NRXN3: variants seen among roughly 807,000 people sequenced by gnomAD.
NRXN3 encodes neurexin 3.
In NRXN3, 32 loss-of-function variants were observed where a neutral mutation model predicts 137.6. The ratio of observed to expected loss-of-function variants is 0.23; its 90% CI spans 0.18 to 0.31. The LOEUF is 0.31. Among genes scored for constraint, NRXN3 ranks in the 10% least tolerant of loss-of-function variants. The pLI is 1.00. For missense variants in NRXN3, 1,574 were observed against 2,062.5 expected (o/e 0.76, Z 4.59); for synonymous variants, 798 against 784.5 (o/e 1.02, Z -0.29).
chr14:78,621,145 A>G (rs2152500439), intron 4 of NRXN3, among the ~76,000 whole-genome samples: 1 of 152,288 alleles, frequency 6.6e-6, no homozygotes, highest in East Asian at 1.9e-4. Context: ...CAAGATCTAG[A>G]GCATTGAGGG....
intron 16 of NRXN3, among the ~76,000 whole-genome samples, chr14:79,525,908 G>A (rs2097114198): frequency 6.6e-6 from 1 of 152,092 alleles, no homozygotes; most frequent in Non-Finnish European, 1.5e-5. Context: ...TAGGGACAGG[G>A]TCTCACTCTG....
At chr14:79,067,394 A>G (rs1213482378) in intron 15 of NRXN3, among the ~76,000 whole-genome samples, 1 of 152,090 alleles carries the variant, frequency 6.6e-6, no homozygotes, top group Non-Finnish European at 1.5e-5. Context: ...TTTTTGCATC[A>G]ATATTTATCA....
intron 1 of NRXN3, among the ~76,000 whole-genome samples, chr14:78,179,841 T>TTTTTTTTTTTTTTTCTTTTTTTTTC (rs2059646604): frequency 7.3e-6 from 1 of 137,562 alleles, no homozygotes; most frequent in Non-Finnish European, 1.6e-5. Context: ...TCTGTTTTTT[T>TTTTTTTTTTTTTTTCTTTTTTTTTC]GTTTTTTTTT....
At chr14:78,504,304 ACT>A (rs2095939252) in intron 4 of NRXN3, among the ~76,000 whole-genome samples, 1 of 152,156 alleles carries the variant, frequency 6.6e-6, no homozygotes, top group Non-Finnish European at 1.5e-5. Context: ...ACAACTGCAG[ACT>A]CTGACAAAAT....
chr14:79,274,474 C>G (rs1425960270), intron 15 of NRXN3, among the ~76,000 whole-genome samples: 1 of 152,068 alleles, frequency 6.6e-6, no homozygotes, highest in Non-Finnish European at 1.5e-5. Flanking sequence ...TTCCATGGTG[C>G]TGAGGATACG....
intron 4 of NRXN3, among the ~76,000 whole-genome samples, chr14:78,456,848 T>TCTTG (rs1555540168): frequency 1.4e-4 from 19 of 133,828 alleles, no homozygotes; most frequent in African/African-American, 4.3e-4. Context: ...TTTCTTTCTT[T>TCTTG]CTTTCTTTTT....
chr14:78,868,420 G>A (rs913469275), intron 10 of NRXN3, among the ~76,000 whole-genome samples: 1 of 152,050 alleles, frequency 6.6e-6, no homozygotes, highest in East Asian at 1.9e-4. Flanking sequence ...ATGATTACAG[G>A]TGACTAGTCA....
chr14:79,468,492 C>T (rs1306544642), intron 16 of NRXN3, among the ~76,000 whole-genome samples: 2 of 152,170 alleles, frequency 1.3e-5, no homozygotes, highest in Non-Finnish European at 2.9e-5. Flanking sequence ...GAAAAAAGAT[C>T]AACTGGGGAT....
intron 8 of NRXN3, among the ~76,000 whole-genome samples, chr14:78,719,019 T>C (rs1313429989): frequency 2.6e-5 from 4 of 152,228 alleles, no homozygotes; most frequent in Non-Finnish European, 4.4e-5. Context: ...GACAACATCT[T>C]ATCTTTGCTG....
At chr14:79,075,372 C>T (rs780725139) in intron 15 of NRXN3, among the ~76,000 whole-genome samples, 3 of 152,120 alleles carry the variant, frequency 2.0e-5, no homozygotes, top group African/African-American at 4.8e-5. Flanking sequence ...TTTGGTCTCC[C>T]AGTTAGATTG....
chr14:79,627,703 T>C (rs2098297730), intron 16 of NRXN3, among the ~76,000 whole-genome samples: 1 of 152,222 alleles, frequency 6.6e-6, no homozygotes, highest in South Asian at 2.1e-4. Context: ...GGTATGGTTA[T>C]TAACCCCATG....
At chr14:78,521,576 C>G (rs1460782433) in intron 4 of NRXN3, among the ~76,000 whole-genome samples, 1 of 152,058 alleles carries the variant, frequency 6.6e-6, no homozygotes, top group Non-Finnish European at 1.5e-5. Context: ...ATTTTATAGA[C>G]TCTTGTATTA....
At chr14:79,078,930 A>AT (rs2046423350) in intron 15 of NRXN3, among the ~76,000 whole-genome samples, 1 of 152,042 alleles carries the variant, frequency 6.6e-6, no homozygotes, top group Non-Finnish European at 1.5e-5. Context: ...TAGGGATACC[A>AT]GAAGAAGATG....
intron 4 of NRXN3, among the ~76,000 whole-genome samples, chr14:78,443,462 G>T (rs1407681235): frequency 6.6e-6 from 1 of 152,212 alleles, no homozygotes; most frequent in African/African-American, 2.4e-5. Context: ...AAGGAAAATT[G>T]CCAGGCCAGG....
intron 4 of NRXN3, among the ~76,000 whole-genome samples, chr14:78,347,794 A>G (rs750392720): frequency 6.6e-6 from 1 of 152,128 alleles, no homozygotes; most frequent in Non-Finnish European, 1.5e-5. Context: ...CTGTGTACTT[A>G]GTATATCAGA....
chr14:79,140,684 A>G (rs2058709792), intron 15 of NRXN3, among the ~76,000 whole-genome samples: 1 of 151,996 alleles, frequency 6.6e-6, no homozygotes, highest in South Asian at 2.1e-4. Context: ...AATAAAAACT[A>G]CTGTATAAGA....
chr14:79,088,668 G>A (rs769698223), intron 15 of NRXN3, among the ~76,000 whole-genome samples: 4 of 152,106 alleles, frequency 2.6e-5, no homozygotes, highest in African/African-American at 9.7e-5. Flanking sequence ...GTATAAAAAA[G>A]AGGGTAAACT....
intron 16 of NRXN3, among the ~76,000 whole-genome samples, chr14:79,597,220 AT>A (rs1411849712): frequency 1.9e-4 from 29 of 151,996 alleles, no homozygotes; most frequent in Admixed American, 1.9e-3. Context: ...ATTTGGGTAC[AT>A]TTTTTTTCCT....
chr14:78,328,330 A>G (rs1367885861), intron 4 of NRXN3, among the ~76,000 whole-genome samples: 1 of 152,220 alleles, frequency 6.6e-6, no homozygotes, highest in Non-Finnish European at 1.5e-5. Flanking sequence ...ATTTTCCAGC[A>G]ACTACTCAAG....
Sources: gnomAD v4.1 joint callset for allele counts (sites outside exome capture counted in the v4.1 genomes callset) on GRCh38, gnomAD v4.1.1 for gene constraint, MANE v1.5 for transcripts, NCBI Gene and HGNC (gene_info 2026-07-23, HGNC 2026-07-21) for gene names.